The following CNTNAP2 variants were observed in gnomAD, a reference collection of about 807,000 sequenced individuals.
CNTNAP2 encodes contactin associated protein 2, also known as contactin-associated protein-like 2.
CNTNAP2 carries 98 observed loss-of-function variants against 155.2 expected under a neutral mutation model. The ratio of observed to expected loss-of-function variants is 0.63; its 90% CI spans 0.54 to 0.75. The LOEUF (loss-of-function observed/expected upper bound fraction) is 0.75, where lower values mean the gene tolerates loss of function less well. CNTNAP2 is among the 30% of genes least tolerant of loss of function. The pLI is 0.00. For missense variants in CNTNAP2, 1,727 were observed against 1,688.1 expected (o/e 1.02, Z -0.40); for synonymous variants, 651 against 631.2 (o/e 1.03, Z -0.47).
chr7:146,739,968 CTT>C (rs1450978924), intron 1 of CNTNAP2, among the ~76,000 whole-genome samples: 1 of 151,904 alleles, frequency 6.6e-6, no homozygotes, highest in African/African-American at 2.4e-5. Context: ...CTTCTATTCT[CTT>C]TTGGTTTCTA....
chr7:148,278,385 C>T (rs6972558), intron 21 of CNTNAP2, among the ~76,000 whole-genome samples: 55,542 of 151,486 alleles, frequency 0.37, 10,989 homozygotes, highest in East Asian at 0.6. Context: ...GCTAACATGG[C>T]GAAACCCTGT....
chr7:147,796,621 A>G (rs891304990), intron 13 of CNTNAP2, among the ~76,000 whole-genome samples: 8 of 152,120 alleles, frequency 5.3e-5, no homozygotes, highest in Non-Finnish European at 1.0e-4. Context: ...TGAATTATCC[A>G]TAACAAGGAA....
At chr7:146,585,529 G>A (rs905061375) in intron 1 of CNTNAP2, among the ~76,000 whole-genome samples, 1 of 151,972 alleles carries the variant, frequency 6.6e-6, no homozygotes, top group Non-Finnish European at 1.5e-5. Context: ...AACATAGTTA[G>A]GTAAGTTTAT....
At chr7:146,715,339 A>G (rs1308619655) in intron 1 of CNTNAP2, among the ~76,000 whole-genome samples, 1 of 152,102 alleles carries the variant, frequency 6.6e-6, no homozygotes, top group African/African-American at 2.4e-5. Flanking sequence ...TCTCAAGAAA[A>G]CAAACAAACA....
chr7:146,690,890 AAT>A (rs1267186560), intron 1 of CNTNAP2, among the ~76,000 whole-genome samples: 1 of 152,154 alleles, frequency 6.6e-6, no homozygotes, highest in Non-Finnish European at 1.5e-5. Flanking sequence ...CTGGGCTAAA[AAT>A]ATATAGAATG....
chr7:147,602,647 A>T (rs1456085366), intron 12 of CNTNAP2, among the ~76,000 whole-genome samples: 1 of 97,686 alleles, frequency 1.0e-5, no homozygotes. Context: ...CACTCCCCCC[A>T]CCCCACAACA....
At chr7:147,553,946 G>C (rs1421154791) in intron 11 of CNTNAP2, among the ~76,000 whole-genome samples, 1 of 151,914 alleles carries the variant, frequency 6.6e-6, no homozygotes, top group Admixed American at 6.6e-5. Flanking sequence ...TAGGCGACGA[G>C]CAAAACTCTA....
intron 1 of CNTNAP2, among the ~76,000 whole-genome samples, chr7:146,458,523 T>A (rs1329733545): frequency 6.6e-6 from 1 of 152,208 alleles, no homozygotes; most frequent in East Asian, 1.9e-4. Flanking sequence ...CAGTAGGGTT[T>A]ATGTGGTACA....
intron 3 of CNTNAP2, among the ~76,000 whole-genome samples, chr7:147,009,850 TAC>T (rs1282832170): frequency 6.6e-6 from 1 of 152,118 alleles, no homozygotes; most frequent in Non-Finnish European, 1.5e-5. Flanking sequence ...CTTTAGAAGC[TAC>T]ACAGTTTTCA....
chr7:146,860,622 T>A (rs1795078769), intron 3 of CNTNAP2, among the ~76,000 whole-genome samples: 1 of 152,136 alleles, frequency 6.6e-6, no homozygotes, highest in Non-Finnish European at 1.5e-5. Context: ...GAAAAGAGGA[T>A]AGTCTATTGT....
At chr7:147,558,100 A>G (rs920144589) in intron 11 of CNTNAP2, among the ~76,000 whole-genome samples, 5 of 152,244 alleles carry the variant, frequency 3.3e-5, no homozygotes, top group African/African-American at 1.2e-4. Context: ...TATGCACATT[A>G]TAAAGTGATG....
chr7:146,884,823 A>C (rs552132141), intron 3 of CNTNAP2, among the ~76,000 whole-genome samples: 1 of 152,176 alleles, frequency 6.6e-6, no homozygotes. Flanking sequence ...GCTGCTACTC[A>C]AAATAAAAAG....
intron 8 of CNTNAP2, among the ~76,000 whole-genome samples, chr7:147,206,394 A>T (rs1436332585): frequency 3.3e-5 from 5 of 151,862 alleles, no homozygotes; most frequent in Non-Finnish European, 7.4e-5. Flanking sequence ...GTGAAACCCA[A>T]TCTACTAAAA....
chr7:147,135,626 C>A (rs1014278388), intron 8 of CNTNAP2, among the ~76,000 whole-genome samples: 1 of 151,500 alleles, frequency 6.6e-6, no homozygotes, highest in Admixed American at 6.6e-5. Context: ...GACCTAGAAC[C>A]ATGTTTTTCA....
At chr7:146,133,013 G>C in intron 1 of CNTNAP2, among the ~76,000 whole-genome samples, 4 of 146,686 alleles carry the variant, frequency 2.7e-5, no homozygotes, top group Non-Finnish European at 6.0e-5. Context: ...GGTTGAACTA[G>C]TTTACAGTCC....
At chr7:147,350,889 T>G (rs1364922412) in intron 9 of CNTNAP2, among the ~76,000 whole-genome samples, 1 of 151,892 alleles carries the variant, frequency 6.6e-6, no homozygotes, top group Non-Finnish European at 1.5e-5. Flanking sequence ...AAATTGACCT[T>G]ATTGACCAAT....
chr7:146,759,320 ATTTC>A (rs1403674735), intron 1 of CNTNAP2, among the ~76,000 whole-genome samples: 1 of 152,168 alleles, frequency 6.6e-6, no homozygotes, highest in Non-Finnish European at 1.5e-5. Context: ...TCTAAAAAGT[ATTTC>A]TTCTTAAAAT....
intron 13 of CNTNAP2, among the ~76,000 whole-genome samples, chr7:147,868,405 C>A (rs921718104): frequency 1.3e-4 from 20 of 152,306 alleles, no homozygotes; most frequent in African/African-American, 4.8e-4. Context: ...AGGTGTCTCC[C>A]AGTTAGGCTA....
At chr7:146,811,455 T>C (rs369570166) in intron 2 of CNTNAP2, among the ~76,000 whole-genome samples, 3 of 152,174 alleles carry the variant, frequency 2.0e-5, no homozygotes, top group South Asian at 2.1e-4. Context: ...TATGATACTT[T>C]GTATTTCCGT....
Sources: allele counts gnomAD v4.1 joint callset (sites outside exome capture counted in the v4.1 genomes callset), GRCh38; gene constraint gnomAD v4.1.1; transcripts MANE v1.5; gene names NCBI Gene and HGNC (gene_info 2026-07-23, HGNC 2026-07-21).